Variants in CHRM2 observed in about 807,000 individuals in gnomAD.
CHRM2 encodes cholinergic receptor muscarinic 2, also known as muscarinic acetylcholine receptor M2.
Under a neutral mutation model 25.0 loss-of-function variants are expected in CHRM2, and 8 were observed. That is an observed-to-expected ratio of 0.32 (90% CI 0.19 to 0.58). CHRM2 has a LOEUF of 0.58. Among genes scored for constraint, CHRM2 ranks in the 20% least tolerant of loss-of-function variants. The probability of loss-of-function intolerance (pLI) is 0.88; values close to 1 mark genes in which losing one functional copy is unlikely to be tolerated. For synonymous variants in CHRM2, 202 were observed against 205.7 expected (o/e 0.98, Z 0.15); for missense variants, 440 against 567.1 (o/e 0.78, Z 2.28).
At chr7:136,985,501 C>A (rs1802789067) in intron 2 of CHRM2, among the ~76,000 whole-genome samples, 3 of 87,386 alleles carry the variant, frequency 3.4e-5, no homozygotes, top group South Asian at 3.9e-4. Flanking sequence ...CAGAGTTAGA[C>A]TCCAAAAAAA....
chr7:136,935,228 A>G (rs897720640), intron 2 of CHRM2, among the ~76,000 whole-genome samples: 7 of 152,112 alleles, frequency 4.6e-5, no homozygotes, highest in African/African-American at 1.7e-4. Context: ...GGGTAAACAC[A>G]TTGGTGAAAA....
chr7:136,958,742 C>CTCT (rs1462152130), intron 2 of CHRM2, among the ~76,000 whole-genome samples: 4 of 152,072 alleles, frequency 2.6e-5, no homozygotes, highest in African/African-American at 9.7e-5. Context: ...CAGGTGTGAG[C>CTCT]CACCATGTCT....
intron 2 of CHRM2, chr7:136,914,448 C>A (rs1184114119): frequency 6.6e-6 from 1 of 151,892 alleles, no homozygotes; most frequent in African/African-American, 2.4e-5. Context: ...GGGTATCCAC[C>A]TGGGAATGGC....
intron 2 of CHRM2, among the ~76,000 whole-genome samples, chr7:136,944,337 A>G (rs1334381931): frequency 1.5e-5 from 2 of 137,202 alleles, no homozygotes; most frequent in African/African-American, 6.1e-5. Flanking sequence ...AGAACATACA[A>G]TGTTTGTTTT....
chr7:136,979,287 G>A (rs998485390), intron 2 of CHRM2, among the ~76,000 whole-genome samples: 2 of 152,268 alleles, frequency 1.3e-5, no homozygotes, highest in South Asian at 4.1e-4. Context: ...CCCACTTTCT[G>A]ATGGAATTGT....
intron 2 of CHRM2, among the ~76,000 whole-genome samples, chr7:136,928,510 G>A (rs971221998): frequency 6.6e-6 from 1 of 152,164 alleles, no homozygotes; most frequent in Non-Finnish European, 1.5e-5. Context: ...CAAAACATCA[G>A]AGGAAACAAT....
At chr7:136,878,566 T>C (rs1182583181) in intron 2 of CHRM2, among the ~76,000 whole-genome samples, 1 of 151,890 alleles carries the variant, frequency 6.6e-6, no homozygotes, top group Non-Finnish European at 1.5e-5. Flanking sequence ...TGGGGTGAGA[T>C]ACTCTTCTGT....
chr7:136,938,982 C>A (rs1382870381), intron 2 of CHRM2, among the ~76,000 whole-genome samples: 8 of 118,474 alleles, frequency 6.8e-5, no homozygotes, highest in Non-Finnish European at 1.2e-4. Context: ...GTGTAGCCAT[C>A]AAACATTAAT....
At chr7:136,875,094 T>TAC (rs34651408) in intron 2 of CHRM2, among the ~76,000 whole-genome samples, 23,009 of 147,192 alleles carry the variant, frequency 0.16, 2,234 homozygotes, top group Non-Finnish European at 0.22. Flanking sequence ...TATACATATA[T>TAC]ACACATATAT....
intron 2 of CHRM2, among the ~76,000 whole-genome samples, chr7:136,981,522 C>A (rs980432093): frequency 6.6e-6 from 1 of 152,016 alleles, no homozygotes; most frequent in African/African-American, 2.4e-5. Flanking sequence ...TGTTTCTCTA[C>A]TTGTTTTAAT....
chr7:136,953,590 C>T (rs897068110), intron 2 of CHRM2, among the ~76,000 whole-genome samples: 21 of 152,066 alleles, frequency 1.4e-4, no homozygotes, highest in African/African-American at 1.4e-4. Context: ...ATGCCTGTTA[C>T]GTGCATTCTA....
intron 2 of CHRM2, among the ~76,000 whole-genome samples, chr7:136,958,780 A>G (rs917950537): frequency 6.6e-6 from 1 of 152,154 alleles, no homozygotes. Context: ...GAGAGTAAGA[A>G]TGGGTAAGGA....
chr7:136,919,316 T>C (rs1484303468), intron 2 of CHRM2, among the ~76,000 whole-genome samples: 1 of 152,136 alleles, frequency 6.6e-6, no homozygotes, highest in Non-Finnish European at 1.5e-5. Flanking sequence ...TTCAATCAGA[T>C]AGAAGTACTT....
At chr7:136,989,705 C>T (rs1183484353) in intron 2 of CHRM2, among the ~76,000 whole-genome samples, 3 of 152,084 alleles carry the variant, frequency 2.0e-5, no homozygotes, top group African/African-American at 7.2e-5. Flanking sequence ...CTTTGTTTGC[C>T]ATGGATCATT....
chr7:136,970,872 G>A (rs1442936949), intron 2 of CHRM2, among the ~76,000 whole-genome samples: 1 of 152,118 alleles, frequency 6.6e-6, no homozygotes, highest in Non-Finnish European at 1.5e-5. Context: ...CCAAATCTAA[G>A]ATCACCATTT....
At chr7:136,989,410 T>C (rs1803068886) in intron 2 of CHRM2, among the ~76,000 whole-genome samples, 1 of 152,158 alleles carries the variant, frequency 6.6e-6, no homozygotes, top group Admixed American at 6.6e-5. Flanking sequence ...TGATGCATAC[T>C]TACGGAAATT....
chr7:136,981,290 C>G (rs939533433), intron 2 of CHRM2, among the ~76,000 whole-genome samples: 67 of 152,140 alleles, frequency 4.4e-4, no homozygotes, highest in African/African-American at 1.6e-3. Flanking sequence ...GTGGTAATAT[C>G]ACATTTATCA....
intron 2 of CHRM2, among the ~76,000 whole-genome samples, chr7:136,884,485 CT>C (rs36100182): frequency 0.14 from 20,163 of 144,014 alleles, 1,469 homozygotes; most frequent in Non-Finnish European, 0.18. Flanking sequence ...AATGAAATGC[CT>C]TTTTTTTTTT....
chr7:136,959,226 A>G (rs1440223145), intron 2 of CHRM2, among the ~76,000 whole-genome samples: 3 of 152,240 alleles, frequency 2.0e-5, no homozygotes, highest in African/African-American at 7.2e-5. Context: ...ATAAATCTAT[A>G]TACTTACAAA....
Sources: allele counts gnomAD v4.1 joint callset (sites outside exome capture counted in the v4.1 genomes callset), GRCh38; gene constraint gnomAD v4.1.1; transcripts MANE v1.5; gene names NCBI Gene and HGNC (gene_info 2026-07-23, HGNC 2026-07-21).